PCDHA6: variants seen among roughly 807,000 people sequenced by gnomAD.
PCDHA6 encodes protocadherin alpha 6, also known as protocadherin alpha-6.
Under a neutral mutation model 60.3 loss-of-function variants are expected in PCDHA6, and 55 were observed. The ratio of observed to expected loss-of-function variants is 0.91; its 90% CI spans 0.73 to 1.14. PCDHA6 has a LOEUF of 1.14. Among genes scored for constraint, PCDHA6 ranks in the 50% most tolerant of loss-of-function variants. The probability of loss-of-function intolerance (pLI) is 0.00; values close to 1 mark genes in which losing one functional copy is unlikely to be tolerated. For missense variants in PCDHA6, 1,327 were observed against 1,256.5 expected (o/e 1.06, Z -0.85); for synonymous variants, 652 against 557.9 (o/e 1.17, Z -2.38).
In PCDHA6 at chr5:140,848,769, C is replaced by A. The variant is rs2150419947; in HGVS notation, c.2394+18284C>A. On this transcript the variant is annotated intron_variant, in intron 1 of 3. Coordinates refer to ENST00000529310, the MANE Select transcript of PCDHA6 (RefSeq NM_018909.4). ...TTTGTTTGTGAATTCTCGGATCGAC[C>A]GCGAGGAGCTGTGCGGGCGGAGCGC... 9.6e-5 allele frequency: 153 copies of A among 1,593,410 alleles called. 12 individuals are homozygous for A. The Admixed American group carries it at 1.9e-3, about 20-fold the overall frequency.
chr5:140,873,592 T>A (rs936003894), intron 1 of PCDHA6, among the ~76,000 whole-genome samples: 3 of 152,234 alleles, frequency 2.0e-5, no homozygotes, highest in African/African-American at 7.2e-5. Flanking sequence ...TAAGCTAAAC[T>A]TAGATGTTCC....
At chr5:140,966,818 C>T in intron 1 of PCDHA6, 1 of 1,554,294 alleles carries the variant, frequency 6.4e-7, no homozygotes, top group Admixed American at 1.9e-5. Flanking sequence ...ACGGCTCCGG[C>T]GGCCCATGCC....
chr5:140,848,035 A>G (rs1554141975), intron 1 of PCDHA6: 1 of 158,990 alleles, frequency 6.3e-6, no homozygotes, highest in African/African-American at 2.4e-5. Flanking sequence ...TGATTGCTCA[A>G]TGGAATCATT....
chr5:140,842,208 A>C, intron 1 of PCDHA6: 1 of 1,613,638 alleles, frequency 6.2e-7, no homozygotes, highest in Non-Finnish European at 8.5e-7. Flanking sequence ...TTTAGCATAG[A>C]TCGAAATACG....
chr5:140,876,055 G>A (rs782670279), intron 1 of PCDHA6: 2 of 1,613,934 alleles, frequency 1.2e-6, no homozygotes, highest in Non-Finnish European at 1.7e-6. Context: ...GCCTGAATTA[G>A]TTCTTCGGAA....
At chr5:140,957,070 C>T (rs1260856872) in intron 1 of PCDHA6, among the ~76,000 whole-genome samples, 2 of 151,958 alleles carry the variant, frequency 1.3e-5, no homozygotes, top group Non-Finnish European at 2.9e-5. Context: ...TGACTGAGGG[C>T]TTTTTATTAA....
chr5:140,941,809 TAG>T (rs1477400878), intron 1 of PCDHA6, among the ~76,000 whole-genome samples: 5 of 152,254 alleles, frequency 3.3e-5, no homozygotes, highest in Non-Finnish European at 5.9e-5. Context: ...TTGATTTCAG[TAG>T]GATGACTGCT....
rs2150159832 is a variant in PCDHA6, at chr5:140,828,862, C to T, written c.771C>T (p.Asn257=). Residue 257 remains asparagine (N), a synonymous_variant, in exon 1 of 4, where the codon AAC becomes AAT. Transcript: ENST00000529310. The part of the protein sequence containing the change: ...YEVRIFENAD[N]GTTVIRLNAS... ...TAAGAATATTCGAAAATGCAGACAACGGAACAACAGTTATCAGACTGAATG... is the reference window on the plus strand; with the variant it reads ...TAAGAATATTCGAAAATGCAGACAATGGAACAACAGTTATCAGACTGAATG... 2 of 1,614,178 alleles carry T rather than the reference C, an allele frequency of 1.2e-6. No individual in the cohort carries two copies. Among genetic ancestry groups the T allele is most frequent in the Non-Finnish European group, 1.7e-6 (2 of 1,180,052 alleles).
At chr5:140,858,512 T>C in intron 1 of PCDHA6, 1 of 1,426,790 alleles carries the variant, frequency 7.0e-7, no homozygotes, top group Non-Finnish European at 9.7e-7. Flanking sequence ...CTCAAATATG[T>C]ATCAGAATAT....
chr5:141,009,060 G>C (rs1192687086), intron 3 of PCDHA6, among the ~76,000 whole-genome samples: 4 of 152,176 alleles, frequency 2.6e-5, no homozygotes, highest in Non-Finnish European at 5.9e-5. Context: ...AATCACAACT[G>C]TATTCTTTAG....
intron 1 of PCDHA6, chr5:140,857,068 G>A (rs2044345750): frequency 1.3e-6 from 2 of 1,596,170 alleles, no homozygotes; most frequent in Admixed American, 3.4e-5. Context: ...TGGAACTACT[G>A]GATGAAAATG....
At chr5:140,848,383 C>A in intron 1 of PCDHA6, 1 of 1,197,372 alleles carries the variant, frequency 8.4e-7, no homozygotes, top group Non-Finnish European at 1.2e-6. Flanking sequence ...TTCTTTTTCA[C>A]TCTCTCTGTG....
At chr5:140,884,651 T>C in intron 1 of PCDHA6, 1 of 1,604,404 alleles carries the variant, frequency 6.2e-7, no homozygotes. Context: ...GGACTCAGAA[T>C]GCTTGAAAGA....
rs1333608076 is a variant in PCDHA6, at chr5:140,848,470, A to C, written c.2394+17985A>C. Reference sequence around the variant, plus strand: ...TTCTAATTTGGAGGCAATTTTCACTAATTAGAAGAAGACTGAGTATTTGAA... The same window carrying C: ...TTCTAATTTGGAGGCAATTTTCACTCATTAGAAGAAGACTGAGTATTTGAA... On this transcript the variant is annotated intron_variant, in intron 1 of 3. Coordinates refer to ENST00000529310, the MANE Select transcript of PCDHA6 (RefSeq NM_018909.4). 3 of 1,552,738 alleles carry C rather than the reference A, an allele frequency of 1.9e-6. No individual in the cohort carries two copies. In the East Asian group the frequency reaches 6.7e-5, roughly 35 times the overall value.
chr5:140,855,813 T>A (rs2043631842), intron 1 of PCDHA6: 2 of 511,660 alleles, frequency 3.9e-6, no homozygotes. Flanking sequence ...AAAGAAAAGT[T>A]GTGAACTCAT....
chr5:140,830,233 G>T lies in PCDHA6; in HGVS notation c.2142G>T (p.Thr714=), dbSNP rs2150183193. 1.2e-6 allele frequency: 2 copies of T among 1,613,906 alleles called. No homozygotes were observed. The highest frequency in any genetic ancestry group is 4.5e-5 in the East Asian group (2 of 44,870). Residue 714 remains threonine (T), a synonymous_variant, in exon 1 of 4, where the codon ACG becomes ACT. Transcript: ENST00000529310. ...ICAVSSLLVL[T]LLLYTALRCS... is the part of the protein sequence containing the mutation. ...CGGTATCCAGCCTGCTGGTCCTCACGCTACTGCTGTACACAGCGCTGCGGT... is the reference window on the plus strand; with the variant it reads ...CGGTATCCAGCCTGCTGGTCCTCACTCTACTGCTGTACACAGCGCTGCGGT...
intron 1 of PCDHA6, among the ~76,000 whole-genome samples, chr5:140,846,903 G>A (rs941589214): frequency 2.7e-5 from 4 of 149,652 alleles, no homozygotes; most frequent in Non-Finnish European, 6.0e-5. Flanking sequence ...GAAGTTGAAA[G>A]ACAATCATTT....
At chr5:140,923,181 A>T (rs2081206798) in intron 1 of PCDHA6, among the ~76,000 whole-genome samples, 1 of 152,158 alleles carries the variant, frequency 6.6e-6, no homozygotes, top group Non-Finnish European at 1.5e-5. Flanking sequence ...GTTCAGATGC[A>T]TCTACTGCAG....
intron 1 of PCDHA6, chr5:140,926,672 C>T (rs2083457109): frequency 1.7e-6 from 1 of 583,596 alleles, no homozygotes; most frequent in Admixed American, 3.9e-5. Flanking sequence ...GACGGCTGCC[C>T]AGCCTCCAGC....
Sources: allele counts gnomAD v4.1 joint callset (sites outside exome capture counted in the v4.1 genomes callset), GRCh38; gene constraint gnomAD v4.1.1; transcripts MANE v1.5; gene names NCBI Gene and HGNC (gene_info 2026-07-23, HGNC 2026-07-21).